The following AFAP1 variants were observed in gnomAD, a reference collection of about 807,000 sequenced individuals.
The protein encoded by AFAP1 is actin filament-associated protein 1.
AFAP1 carries 75 observed loss-of-function variants against 93.9 expected under a neutral mutation model. That is an observed-to-expected ratio of 0.80 (90% confidence interval 0.66 to 0.97). AFAP1 has a LOEUF of 0.97. Ranked by LOEUF, AFAP1 falls within the 50% of genes least tolerant of loss-of-function variation. The probability of loss-of-function intolerance (pLI) is 0.00; values close to 1 mark genes in which losing one functional copy is unlikely to be tolerated. For synonymous variants in AFAP1, 517 were observed against 430.7 expected, an observed-to-expected ratio of 1.20 and a Z score of -2.48; for missense variants, 1,201 against 1,050.8, an observed-to-expected ratio of 1.14 and a Z score of -1.98.
At chr4:7,848,018 C>G (rs1354672135) in intron 4 of AFAP1, among the ~76,000 whole-genome samples, 1 of 150,954 alleles carries the variant, frequency 6.6e-6, no homozygotes, top group Non-Finnish European at 1.5e-5. Context: ...GACAGATGCT[C>G]AGGCAGACAG....
At position 7,841,261 on chromosome 4, in the gene AFAP1, C is replaced by T. The variant is rs182547129; in HGVS notation, c.546+1878G>A. ...CATGAGAGCTCTGGGGCTGGAAGGCCCCATCACAGCTGCCCAGTGAGTCTG... is the reference window on the plus strand; with the variant it reads ...CATGAGAGCTCTGGGGCTGGAAGGCTCCATCACAGCTGCCCAGTGAGTCTG... On this transcript the variant is annotated intron_variant, in intron 5 of 17. Transcript: ENST00000420658. 3.9e-3 allele frequency among the ~76,000 whole-genome samples: 594 copies of T among 152,108 alleles called. 2 individuals carry two copies. The highest frequency in any genetic ancestry group is 0.013 in the East Asian group (65 of 5,146).
intron 5 of AFAP1, among the ~76,000 whole-genome samples, chr4:7,839,709 C>CTTAATCT (rs888337235): frequency 1.6e-4 from 24 of 152,122 alleles, no homozygotes; most frequent in Non-Finnish European, 2.9e-4. Context: ...ATGGCTCTTG[C>CTTAATCT]TTAATCTTTA....
At chr4:7,794,291 T>C (rs1423439871) in intron 10 of AFAP1, among the ~76,000 whole-genome samples, 1 of 152,180 alleles carries the variant, frequency 6.6e-6, no homozygotes, top group East Asian at 1.9e-4. Context: ...TGAGCCCCCC[T>C]ACATGGGCCT....
chr4:7,771,606 C>T (rs773980488), intron 16 of AFAP1, among the ~76,000 whole-genome samples: 4 of 152,186 alleles, frequency 2.6e-5, no homozygotes, highest in African/African-American at 9.7e-5. Flanking sequence ...AGCGTCCACA[C>T]ACAGTCTATG....
Position 7,774,606 on chromosome 4 carries a change from C to T in AFAP1, c.2062+133G>A, listed in dbSNP as rs1364011642. ...CAATGTTTCCAAGCCCCAAGAAACA[C>T]TGTGAGATAACCCACTCTTACTAAA... is the stretch of plus-strand genomic sequence containing the variant. On this transcript the variant is annotated intron_variant, in intron 15 of 17. Transcript: ENST00000420658. The T allele has an allele frequency of 3.0e-6, 4 of 1,317,252 alleles. No homozygotes were observed. The African/African-American group carries it at 4.5e-5, about 15-fold the overall frequency. The allele number at this position is 1,317,252 out of a possible 1,614,324, so 81.6% of individuals were successfully genotyped here. A position where few individuals can be genotyped will look rare whatever the true frequency, so the allele number is the denominator to read the frequency against.
At chr4:7,859,912 T>C (rs149849274) in intron 3 of AFAP1, among the ~76,000 whole-genome samples, 1 of 151,962 alleles carries the variant, frequency 6.6e-6, no homozygotes, top group Non-Finnish European at 1.5e-5. Flanking sequence ...ATAGCCATGG[T>C]GGGAGGACTG....
At chr4:7,856,592 C>T (rs1715106151) in intron 3 of AFAP1, among the ~76,000 whole-genome samples, 2 of 152,176 alleles carry the variant, frequency 1.3e-5, no homozygotes, top group African/African-American at 4.8e-5. Flanking sequence ...GGTTGTGAAG[C>T]CATAGCCTTA....
At chr4:7,804,635 G>A (rs944454950) in intron 9 of AFAP1, among the ~76,000 whole-genome samples, 1 of 152,224 alleles carries the variant, frequency 6.6e-6, no homozygotes, top group Non-Finnish European at 1.5e-5. Context: ...GGCAGCTGCA[G>A]AAGAGCAGGC....
chr4:7,897,170 C>G (rs576584277), intron 1 of AFAP1, among the ~76,000 whole-genome samples: 8 of 152,242 alleles, frequency 5.3e-5, no homozygotes, highest in African/African-American at 1.9e-4. Flanking sequence ...TGAGCTCAAT[C>G]TCATCTTACA....
chr4:7,809,501 G>T, intron 9 of AFAP1, 113 bp downstream of exon 9: 1 of 1,284,004 alleles, frequency 7.8e-7, no homozygotes, highest in Non-Finnish European at 1.1e-6. Flanking sequence ...CAAGTCCAAT[G>T]CAAAAGAGCT....
intron 1 of AFAP1, among the ~76,000 whole-genome samples, chr4:7,877,282 CGG>C (rs537060636): frequency 1.6e-3 from 244 of 152,344 alleles, no homozygotes; most frequent in Non-Finnish European, 2.3e-3. Flanking sequence ...TTTCTCACAA[CGG>C]GTCCTGTGAA....
At chr4:7,909,373 G>T (rs1719605066) in intron 1 of AFAP1, among the ~76,000 whole-genome samples, 1 of 152,180 alleles carries the variant, frequency 6.6e-6, no homozygotes, top group Admixed American at 6.5e-5. Context: ...TTTATAAACT[G>T]TCCAGCACAG....
chr4:7,798,310 G>A (rs1198895232), intron 10 of AFAP1, among the ~76,000 whole-genome samples: 1 of 137,716 alleles, frequency 7.3e-6, no homozygotes. Context: ...CAACCCTATT[G>A]GCTGGCTCAC....
chr4:7,833,399 A>T (rs1711859542), intron 6 of AFAP1, among the ~76,000 whole-genome samples: 1 of 152,214 alleles, frequency 6.6e-6, no homozygotes, highest in South Asian at 2.1e-4. Flanking sequence ...ATACAAAAAA[A>T]TGCTCAATAT....
intron 4 of AFAP1, among the ~76,000 whole-genome samples, chr4:7,848,331 T>C (rs1218626164): frequency 1.3e-5 from 2 of 151,978 alleles, no homozygotes; most frequent in African/African-American, 4.8e-5. Context: ...AAAAGCTGTC[T>C]ACCACCTGGA....
chr4:7,783,692 C>G (rs564713281), intron 12 of AFAP1, among the ~76,000 whole-genome samples: 1 of 152,192 alleles, frequency 6.6e-6, no homozygotes, highest in African/African-American at 2.4e-5. Context: ...AACACTTGCT[C>G]CTGGGGGTGG....
rs766698725 is a variant in AFAP1 at position 7,829,947 on chromosome 4, A to G, written c.726+8577T>C. 4.0e-4 allele frequency among the ~76,000 whole-genome samples: 61 copies of G among 152,364 alleles called. 1 individual carries two copies. Among genetic ancestry groups the G allele is most frequent in the Non-Finnish European group, 4.7e-4 (32 of 68,036 alleles). On this transcript the variant is annotated intron_variant, in intron 6 of 17. Coordinates refer to ENST00000420658, the MANE Select transcript of AFAP1 (RefSeq NM_001134647.2). ...CTAATACAGAATTGTCTGTAATATC[A>G]AAAGACTGAAAGCAACCCAATGTCC...
chr4:7,775,133 C>A, intron 14 of AFAP1: 5 of 458,202 alleles, frequency 1.1e-5, no homozygotes, highest in Non-Finnish European at 1.5e-5. Context: ...AGTGAGACCC[C>A]GTGTCAAAAA....
intron 1 of AFAP1, among the ~76,000 whole-genome samples, chr4:7,877,794 A>G (rs530062779): frequency 6.6e-6 from 1 of 152,306 alleles, no homozygotes; most frequent in East Asian, 1.9e-4. Flanking sequence ...ACCAAATAAA[A>G]TTTAGTCCTC....
Sources: gnomAD v4.1 joint callset for allele counts (sites outside exome capture counted in the v4.1 genomes callset) on GRCh38, gnomAD v4.1.1 for gene constraint, MANE v1.5 for transcripts, NCBI Gene and HGNC (gene_info 2026-07-23, HGNC 2026-07-21) for gene names.